CNTNAP5: variants seen among roughly 807,000 people sequenced by gnomAD.
CNTNAP5 encodes the protein contactin-associated protein-like 5.
In CNTNAP5, 72 loss-of-function variants were observed where a neutral mutation model predicts 150.2. That is an observed-to-expected ratio of 0.48 (90% CI 0.40 to 0.58). CNTNAP5 has a LOEUF of 0.58. CNTNAP5 is among the 20% of genes least tolerant of loss of function. The pLI is 0.00. For missense variants in CNTNAP5, 1,636 were observed against 1,626.2 expected (o/e 1.01, Z -0.10); for synonymous variants, 672 against 619.8 (o/e 1.08, Z -1.25).
At chr2:124,064,079 T>C (rs572103123) in intron 1 of CNTNAP5, among the ~76,000 whole-genome samples, 3 of 152,142 alleles carry the variant, frequency 2.0e-5, no homozygotes, top group South Asian at 4.1e-4. Context: ...AGGAGAAGTA[T>C]GGAGAGAAAC....
chr2:124,835,318 G>C (rs1393141109), intron 19 of CNTNAP5, among the ~76,000 whole-genome samples: 1 of 152,008 alleles, frequency 6.6e-6, no homozygotes, highest in East Asian at 1.9e-4. Context: ...TTACTGCTCA[G>C]TCCTTTGGGT....
At chr2:124,485,728 G>T (rs1230189632) in intron 7 of CNTNAP5, among the ~76,000 whole-genome samples, 2 of 151,948 alleles carry the variant, frequency 1.3e-5, no homozygotes, top group Non-Finnish European at 2.9e-5. Flanking sequence ...GAAGCTGACG[G>T]CTGTGGGGAG....
At chr2:124,334,408 T>C (rs1214797882) in intron 3 of CNTNAP5, among the ~76,000 whole-genome samples, 1 of 151,992 alleles carries the variant, frequency 6.6e-6, no homozygotes, top group Non-Finnish European at 1.5e-5. Context: ...CTATGGAGTT[T>C]TACACTATCC....
rs183240562 is a variant in CNTNAP5, at chr2:124,107,140, C to T, written c.82+81408C>T. Among the ~76,000 whole-genome samples the T allele has an allele frequency of 1.9e-3, 292 of 152,210 alleles. 3 individuals carry two copies. Among genetic ancestry groups the T allele is most frequent in the East Asian group, 5.8e-4 (3 of 5,160 alleles). ...GAGAAAGAGAGCTGGTGCTGTTGTG[C>T]AGTGATTACCTTTGTGGGTCTGAAA... is the stretch of plus-strand genomic sequence containing the variant. On this transcript the variant is annotated intron_variant, in intron 1 of 23. Transcript: ENST00000682447.
chr2:124,380,831 C>T (rs950122087), intron 3 of CNTNAP5, among the ~76,000 whole-genome samples: 8 of 152,202 alleles, frequency 5.3e-5, no homozygotes, highest in East Asian at 1.9e-4. Flanking sequence ...AGAAAATTTA[C>T]GTTCCACTGG....
At chr2:124,661,727 G>A (rs952940532) in intron 13 of CNTNAP5, among the ~76,000 whole-genome samples, 2 of 151,996 alleles carry the variant, frequency 1.3e-5, no homozygotes, top group Non-Finnish European at 2.9e-5. Context: ...CAACAAAGTA[G>A]ATTTGTTTAC....
At position 124,789,895 on chromosome 2, in the gene CNTNAP5, C is replaced by A; in HGVS notation, c.2753-7C>A. 6.2e-7 allele frequency: 1 copy of A among 1,612,748 alleles called. No homozygotes were observed. The highest frequency in any genetic ancestry group is 8.5e-7 in the Non-Finnish European group (1 of 1,179,226). ...TTACATTTGTTTCCTTTTATTTAAC[C>A]TCTTAGGGGGAACGTCATCCAGACA... is the stretch of plus-strand genomic sequence containing the variant. On this transcript the variant is annotated splice_region_variant and splice_polypyrimidine_tract_variant and intron_variant, in intron 17 of 23. Coordinates refer to ENST00000682447, the MANE Select transcript of CNTNAP5 (RefSeq NM_001367498.1).
intron 1 of CNTNAP5, among the ~76,000 whole-genome samples, chr2:124,028,860 C>T (rs974821018): frequency 6.6e-5 from 10 of 151,926 alleles, no homozygotes; most frequent in African/African-American, 2.4e-4. Context: ...GCGTCTACTC[C>T]AAAACAGAAC....
intron 12 of CNTNAP5, among the ~76,000 whole-genome samples, chr2:124,629,936 C>CAAAAAAAAAAAAAAAA (rs70996084): frequency 1.0e-4 from 7 of 67,746 alleles, no homozygotes; most frequent in African/African-American, 2.2e-4. Flanking sequence ...CACCTCTATG[C>CAAAAAAAAAAAAAAAA]AAAAAAAAAA....
chr2:124,236,573 C>T (rs1347182247), intron 2 of CNTNAP5, among the ~76,000 whole-genome samples: 1 of 152,160 alleles, frequency 6.6e-6, no homozygotes, highest in African/African-American at 2.4e-5. Flanking sequence ...ATGGGAGAGC[C>T]TCTTTCTGTT....
At chr2:124,771,522 T>C (rs1283315744) in intron 16 of CNTNAP5, among the ~76,000 whole-genome samples, 1 of 152,168 alleles carries the variant, frequency 6.6e-6, no homozygotes, top group Admixed American at 6.5e-5. Context: ...CATAAAATGC[T>C]AATAATGGTA....
intron 3 of CNTNAP5, among the ~76,000 whole-genome samples, chr2:124,362,082 TC>T (rs1323579461): frequency 6.6e-6 from 1 of 152,220 alleles, no homozygotes; most frequent in African/African-American, 2.4e-5. Context: ...CCCGGTGCTG[TC>T]CGTCACCCCT....
At chr2:124,405,078 T>TTGA in intron 3 of CNTNAP5, among the ~76,000 whole-genome samples, 1 of 152,238 alleles carries the variant, frequency 6.6e-6, no homozygotes. Context: ...AAAAATCAAA[T>TTGA]TTCTGAGAAC....
intron 11 of CNTNAP5, among the ~76,000 whole-genome samples, chr2:124,565,686 G>A (rs1317025533): frequency 8.8e-5 from 12 of 136,348 alleles, no homozygotes; most frequent in African/African-American, 3.3e-4. Flanking sequence ...TGCAACCTCC[G>A]CCTCCCAGGT....
intron 11 of CNTNAP5, among the ~76,000 whole-genome samples, chr2:124,583,661 G>A (rs1696463855): frequency 2.0e-5 from 3 of 152,162 alleles, no homozygotes; most frequent in Admixed American, 6.5e-5. Flanking sequence ...ATACTTTTGG[G>A]AGGTTTGGAA....
intron 7 of CNTNAP5, among the ~76,000 whole-genome samples, chr2:124,498,766 G>T (rs1386577329): frequency 1.3e-5 from 2 of 152,150 alleles, no homozygotes; most frequent in African/African-American, 2.4e-5. Flanking sequence ...ATCATTCAAA[G>T]AAAAAGTCTT....
rs143105113 is a variant in CNTNAP5, at chr2:124,309,198, G to A, written c.381+66805G>A. 1.6e-4 allele frequency among the ~76,000 whole-genome samples: 25 copies of A among 152,178 alleles called. No individual in the cohort carries two copies. The East Asian group carries it at 2.7e-3, about 16-fold the overall frequency. ...CAATGTGTTCTCTCTCTCTTAAAAC[G>A]TCTTGCTGTACTGTACTAACCTATC... On this transcript the variant is annotated intron_variant, in intron 3 of 23. Transcript: ENST00000682447.
chr2:124,489,265 G>T (rs1693964380), intron 7 of CNTNAP5, among the ~76,000 whole-genome samples: 1 of 152,152 alleles, frequency 6.6e-6, no homozygotes, highest in Non-Finnish European at 1.5e-5. Context: ...TTTTCCCACA[G>T]TTCTGGAAGC....
In CNTNAP5 at chr2:124,370,509, A is replaced by G. The variant is rs549817769; in HGVS notation, c.382-46934A>G. Among the ~76,000 whole-genome samples, 5 of 152,326 alleles carry G rather than the reference A, an allele frequency of 3.3e-5. No homozygotes were observed. The South Asian group carries it at 6.2e-4, about 19-fold the overall frequency. ...ACTGATGGAAGAAACAGCTCTGGACAGCAACTTTGGAGACCATGATGTCCT... is the reference window on the plus strand; with the variant it reads ...ACTGATGGAAGAAACAGCTCTGGACGGCAACTTTGGAGACCATGATGTCCT... On this transcript the variant is annotated intron_variant, in intron 3 of 23. Coordinates refer to ENST00000682447, the MANE Select transcript of CNTNAP5 (RefSeq NM_001367498.1).
Sources: allele counts gnomAD v4.1 joint callset (sites outside exome capture counted in the v4.1 genomes callset), GRCh38; gene constraint gnomAD v4.1.1; transcripts MANE v1.5; gene names NCBI Gene and HGNC (gene_info 2026-07-23, HGNC 2026-07-21).